SLC35B1: variants seen among roughly 807,000 people sequenced by gnomAD.
SLC35B1 encodes ATP/ADP exchanger ER.
In SLC35B1, 27 loss-of-function variants were observed where a neutral mutation model predicts 36.6. The observed-to-expected ratio is 0.74, with a 90% CI of 0.54 to 1.02. SLC35B1 has a LOEUF of 1.02. SLC35B1 is among the 50% of genes least tolerant of loss of function. The probability of loss-of-function intolerance (pLI) is 0.00; values close to 1 mark genes in which losing one functional copy is unlikely to be tolerated. For missense variants in SLC35B1, 321 were observed against 383.2 expected (o/e 0.84, Z 1.35); for synonymous variants, 162 against 152.5 (o/e 1.06, Z -0.46).
At position 49,701,314 on chromosome 17, in the gene SLC35B1, G is replaced by T; in HGVS notation, c.*144C>A. ...TGTTAAAATCCAAGTGCATTTTTTA[G>T]AATATGTGATTTTGCTTGATTTTAT... is the stretch of plus-strand genomic sequence containing the variant. On this transcript the variant is annotated 3_prime_UTR_variant, in exon 9 of 9. Coordinates refer to ENST00000240333, the MANE Select transcript of SLC35B1 (RefSeq NM_005827.4). 2 of 657,702 alleles carry T rather than the reference G, an allele frequency of 3.0e-6. No individual in the cohort carries two copies. The highest frequency in any genetic ancestry group is 3.9e-5 in the South Asian group (2 of 51,342). 40.7% of individuals were successfully genotyped at this position (657,702 alleles called of 1,614,324 possible). A position where few individuals can be genotyped will look rare whatever the true frequency, so the allele number is the denominator to read the frequency against.
At chr17:49,707,112 T>G (rs2073428892) in intron 1 of SLC35B1, 44 bp from the exon 2 acceptor site, 1 of 1,506,944 alleles carries the variant, frequency 6.6e-7, no homozygotes, top group Non-Finnish European at 9.2e-7. Context: ...ATTAGTGTAT[T>G]TCACTCACTG....
At chr17:49,703,404 A>AGTGTGGG (rs2073377502) in intron 6 of SLC35B1, 110 bp from the exon 7 acceptor site, 1 of 746,480 alleles carries the variant, frequency 1.3e-6, no homozygotes, top group Non-Finnish European at 2.4e-6. Context: ...CCTGTTAAAG[A>AGTGTGGG]ACTGCAAGGG....
At chr17:49,707,435 G>A (rs1195898502) in intron 1 of SLC35B1, 1 of 1,456,476 alleles carries the variant, frequency 6.9e-7, no homozygotes, top group Non-Finnish European at 9.1e-7. Context: ...AAAGGGGGCC[G>A]ACTCGGGTCC....
chr17:49,708,032 G>A, upstream of SLC35B1: 5 of 1,195,704 alleles, frequency 4.2e-6, no homozygotes, highest in Non-Finnish European at 5.9e-6. Context: ...AAACTCCTCA[G>A]AACCCAGCAA....
In SLC35B1 at chr17:49,703,292, T is replaced by A. The variant is rs369726270; in HGVS notation, c.658A>T (p.Ile220Phe). The change falls in exon 7 of 9, where the codon ATC becomes TTC. Residue 220 changes from isoleucine to phenylalanine, a missense_variant and splice_region_variant. Ile to Phe is a conservative substitution (Grantham distance 21). Transcript: ENST00000240333. ...LWSTLLLGMG[I>F]LFTGELWEFL... ...TCCCAGAGCTCCCCAGTGAACAGGA[T>A]TCCTGAGAAGACATGTCAACAAATG... 11 of 1,608,692 alleles carry A rather than the reference T, an allele frequency of 6.8e-6. No homozygotes were observed. The highest frequency in any genetic ancestry group is 9.4e-6 in the Non-Finnish European group (11 of 1,175,494).
intron 8 of SLC35B1, chr17:49,702,528 T>G (rs966800772): frequency 1.5e-4 from 28 of 192,638 alleles, no homozygotes; most frequent in South Asian, 1.9e-4. Flanking sequence ...AGGTTGGGAG[T>G]TCGAGACCAG....
intron 4 of SLC35B1, 141 bp from the exon 5 acceptor site, chr17:49,705,422 G>T: frequency 1.2e-6 from 1 of 837,102 alleles, no homozygotes; most frequent in Non-Finnish European, 1.8e-6. Flanking sequence ...CAAAAGGAGG[G>T]TGCCAGGCTG....
At chr17:49,707,529 C>G (rs1298430978) in intron 1 of SLC35B1, 37 of 1,493,212 alleles carry the variant, frequency 2.5e-5, no homozygotes, top group Non-Finnish European at 3.3e-5. Context: ...AGAAAATAAC[C>G]AAGTCCGAAG....
At chr17:49,706,425 T>C in intron 2 of SLC35B1, 91 bp from the exon 3 acceptor site, 1 of 1,228,808 alleles carries the variant, frequency 8.1e-7, no homozygotes, top group African/African-American at 1.6e-5. Context: ...GATGGACCAC[T>C]AAGCAAAGCT....
intron 3 of SLC35B1, 90 bp downstream of exon 3, chr17:49,706,102 CTTTTTTTTTTTT>C: frequency 2.4e-6 from 2 of 837,066 alleles, no homozygotes; most frequent in African/African-American, 2.0e-5. Context: ...GGACCGTTAT[CTTTTTTTTTTTT>C]TTTTTTTTAA....
chr17:49,707,025 T>G lies in SLC35B1; in HGVS notation c.148A>C (p.Thr50Pro). The change falls in exon 2 of 9, where the codon ACC (threonine) becomes CCC (proline). Residue 50 changes from threonine to proline, a missense_variant. Transcript: ENST00000240333. ...YGEGAKQETFTFALTLVFIQC... is the reference protein window; with the variant it reads ...YGEGAKQETFPFALTLVFIQC... ...ATGAAGACCAAAGTTAAGGCAAAGG[T>G]GAACGTCTCCTGCTTGGCTCCTTCC... The G allele has an allele frequency of 6.2e-7, 1 of 1,614,038 alleles. No individual in the cohort carries two copies. The highest frequency in any genetic ancestry group is 8.5e-7 in the Non-Finnish European group (1 of 1,179,974).
rs2073348724 is a variant in SLC35B1 at position 49,701,315 on chromosome 17, A to C, written c.*143T>G. 2 of 660,844 alleles carry C rather than the reference A, an allele frequency of 3.0e-6. No homozygotes were observed. The highest frequency in any genetic ancestry group is 5.3e-6 in the Non-Finnish European group (2 of 380,026). 40.9% of individuals were successfully genotyped at this position (660,844 alleles called of 1,614,324 possible). On this transcript the variant is annotated 3_prime_UTR_variant, in exon 9 of 9. Transcript: ENST00000240333. The stretch of plus-strand genomic sequence containing the variant: ...GTTAAAATCCAAGTGCATTTTTTAG[A>C]ATATGTGATTTTGCTTGATTTTATT...
rs1175427965 is a variant in SLC35B1, at chr17:49,704,224, T to C, written c.531A>G (p.Leu177=). The C allele has an allele frequency of 1.2e-6, 2 of 1,613,066 alleles. No individual in the cohort carries two copies. The highest frequency in any genetic ancestry group is 1.7e-6 in the Non-Finnish European group (2 of 1,179,790). Residue 177 remains leucine (L), a splice_region_variant and synonymous_variant, in exon 6 of 9, where the codon CTA becomes CTG. Transcript: ENST00000240333. ...TCAGTCCATCCAGGGTCAGCGATAA[T>C]AGCTGGGAAAGAAAGGGTGCAGCCT... ...HTVGYGELLL[L]LSLTLDGLTG...
rs2073347608 is a variant in SLC35B1, at chr17:49,701,187, G to A, written c.*271C>T. 2.6e-6 allele frequency: 1 copy of A among 388,966 alleles called. No individual in the cohort carries two copies. The highest frequency in any genetic ancestry group is 4.8e-6 in the Non-Finnish European group (1 of 209,318). The allele number at this position is 388,966 out of a possible 1,614,324, so 24.1% of individuals were successfully genotyped here. On this transcript the variant is annotated 3_prime_UTR_variant, in exon 9 of 9. Coordinates refer to ENST00000240333, the MANE Select transcript of SLC35B1 (RefSeq NM_005827.4). ...ACCATGCTAACCACACCCGTGAGAG[G>A]AGCAGCCTGGGTAATGAACATCCAG...
At position 49,704,190 on chromosome 17, in the gene SLC35B1, A is replaced by G; in HGVS notation, c.565T>C (p.Ser189Pro). ...TAATGAGCCCGCATGTGGTCCTGGG[A>G]AACACCAGTCAGTCCATCCAGGGTC... Reference protein sequence around the residue: ...SLTLDGLTGVSQDHMRAHYQT... With the variant: ...SLTLDGLTGVPQDHMRAHYQT... The change falls in exon 6 of 9, where the codon TCC (serine) becomes CCC (proline). Residue 189 changes from serine to proline, a missense_variant. Transcript: ENST00000240333. 6.2e-7 allele frequency: 1 copy of G among 1,614,072 alleles called. No homozygotes were observed. The highest frequency in any genetic ancestry group is 1.7e-4 in the Middle Eastern group (1 of 5,976).
At position 49,707,880 on chromosome 17, in the gene SLC35B1, G is replaced by C. The variant is rs200679816; in HGVS notation, c.-47C>G. On this transcript the variant is annotated 5_prime_UTR_variant, in exon 1 of 9. Transcript: ENST00000240333. ...TGGAGACCCGCTCACAACCGGCACC[G>C]GCAGCAGCGGCGGCGGAGGCGACAG... 5.2e-4 allele frequency: 831 copies of C among 1,605,922 alleles called. 2 individuals are homozygous for C. Among genetic ancestry groups the C allele is most frequent in the Non-Finnish European group, 6.8e-4 (803 of 1,177,088 alleles).
Position 49,707,738 on chromosome 17 carries a change from C to T in SLC35B1, c.96G>A (p.Gln32=). 6.2e-7 allele frequency: 1 copy of T among 1,611,964 alleles called. No homozygotes were observed. Among genetic ancestry groups the T allele is most frequent in the Non-Finnish European group, 8.5e-7 (1 of 1,179,818 alleles). Reference sequence around the variant, plus strand: ...CCCCCGGGGTCGCTCACATCTTTTCCTGCAGGATCCCATAGTAAAAATAGC... The same window carrying T: ...CCCCCGGGGTCGCTCACATCTTTTCTTGCAGGATCCCATAGTAAAAATAGC... ...FVCYFYYGIL[Q]EKITRGKYGE... is the part of the protein sequence containing the mutation. The change falls in exon 1 of 9, where the codon CAG becomes CAA. Residue 32 remains glutamine (Q), a synonymous_variant. Coordinates refer to ENST00000240333, the MANE Select transcript of SLC35B1 (RefSeq NM_005827.4).
intron 5 of SLC35B1, 63 bp from the exon 6 acceptor site, chr17:49,704,289 C>T: frequency 1.3e-6 from 2 of 1,587,256 alleles, no homozygotes; most frequent in Admixed American, 3.4e-5. Context: ...AAACCCAGGA[C>T]ACAGGATTCT....
intron 3 of SLC35B1, 109 bp downstream of exon 3, chr17:49,706,095 C>T (rs1250816202): frequency 3.0e-6 from 4 of 1,315,760 alleles, no homozygotes; most frequent in Admixed American, 2.5e-5. Context: ...TCTTACAGGA[C>T]CGTTATCTTT....
Sources: allele counts gnomAD v4.1 joint callset, GRCh38; gene constraint gnomAD v4.1.1; transcripts MANE v1.5; gene names NCBI Gene and HGNC (gene_info 2026-07-23, HGNC 2026-07-21).